The following FAF2 variants were observed in gnomAD, a reference collection of about 807,000 sequenced individuals.
FAF2 encodes Fas associated factor family member 2, also known as FAS-associated factor 2.
A neutral mutation model predicts 62.3 loss-of-function variants in FAF2; 9 were observed. The ratio of observed to expected loss-of-function variants is 0.14; its 90% confidence interval spans 0.09 to 0.25. The LOEUF (loss-of-function observed/expected upper bound fraction) is 0.25. FAF2 is among the 10% of genes least tolerant of loss of function. The probability of loss-of-function intolerance (pLI) is 1.00; values close to 1 mark genes in which losing one functional copy is unlikely to be tolerated. For missense variants in FAF2, 368 were observed against 556.2 expected (o/e 0.66, Z 3.40); for synonymous variants, 202 against 198.0 (o/e 1.02, Z -0.17).
chr5:176,506,247 A>T (rs1312660957), intron 10 of FAF2, among the ~76,000 whole-genome samples: 2 of 151,934 alleles, frequency 1.3e-5, no homozygotes, highest in African/African-American at 4.8e-5. Context: ...TATATAAAAG[A>T]TAATTGGCAA....
intron 1 of FAF2, among the ~76,000 whole-genome samples, chr5:176,478,425 G>C (rs1758737890): frequency 6.6e-6 from 1 of 152,188 alleles, no homozygotes; most frequent in African/African-American, 2.4e-5. Flanking sequence ...ACTGCAGTGA[G>C]CAGTCATTGC....
At chr5:176,502,827 A>G (rs148077436) in intron 10 of FAF2, among the ~76,000 whole-genome samples, 4 of 152,086 alleles carry the variant, frequency 2.6e-5, no homozygotes, top group Middle Eastern at 3.2e-3. Flanking sequence ...AGGCAGGCGG[A>G]TCACAAGGTC....
In FAF2 at chr5:176,499,100, G is replaced by A; in HGVS notation, c.1011+15G>A. The stretch of plus-strand genomic sequence containing the variant: ...GACGGCGGCAGGTAATGGACGTGTG[G>A]CTTTACTCCCTGTGGTTCCCAAACT... On this transcript the variant is annotated intron_variant, in intron 9 of 10. Coordinates refer to ENST00000261942, the MANE Select transcript of FAF2 (RefSeq NM_014613.3). 1 of 1,556,712 alleles carries A rather than the reference G, an allele frequency of 6.4e-7. No homozygotes were observed.
Position 176,494,433 on chromosome 5 carries a change from C to G in FAF2, c.661+158C>G, listed in dbSNP as rs758715802. Among the ~76,000 whole-genome samples, 3 of 152,132 alleles carry G rather than the reference C, an allele frequency of 2.0e-5. No homozygotes were observed. Among genetic ancestry groups the G allele is most frequent in the Non-Finnish European group, 2.9e-5 (2 of 68,042 alleles). On this transcript the variant is annotated intron_variant, in intron 7 of 10. Coordinates refer to ENST00000261942, the MANE Select transcript of FAF2 (RefSeq NM_014613.3). The surrounding 1 kb of genome is among the most constrained non-coding windows in gnomAD (Gnocchi z 4.0). ...GTCTCATTTAATCCTCTCAGCAGTC[C>G]TGAGAGATGGGGGGTCATATTACCT...
At chr5:176,475,705 T>C (rs1581064065) in intron 1 of FAF2, among the ~76,000 whole-genome samples, 1 of 151,864 alleles carries the variant, frequency 6.6e-6, no homozygotes, top group South Asian at 2.1e-4. Flanking sequence ...GAGGCGCAGG[T>C]TGCAGTGAGC....
chr5:176,482,063 G>T (rs966908947), intron 2 of FAF2, among the ~76,000 whole-genome samples: 1 of 152,052 alleles, frequency 6.6e-6, no homozygotes, highest in African/African-American at 2.4e-5. Flanking sequence ...TAGTGATCTA[G>T]GGTGGTTTTG....
At chr5:176,451,120 C>T (rs890007551) in intron 1 of FAF2, among the ~76,000 whole-genome samples, 1 of 152,058 alleles carries the variant, frequency 6.6e-6, no homozygotes, top group African/African-American at 2.4e-5. Flanking sequence ...CTTGTAATCC[C>T]AGCACTTTGG....
At chr5:176,505,025 A>G (rs1445835433) in intron 10 of FAF2, among the ~76,000 whole-genome samples, 170 of 122,420 alleles carry the variant, frequency 1.4e-3, no homozygotes, top group African/African-American at 4.2e-3. Context: ...CTGTCTGGGA[A>G]AAAAAAAAAA....
chr5:176,480,119 A>G (rs1758764452), intron 2 of FAF2, among the ~76,000 whole-genome samples: 1 of 152,210 alleles, frequency 6.6e-6, no homozygotes, highest in Non-Finnish European at 1.5e-5. Flanking sequence ...TTCCCAGCAT[A>G]TAACATGGAA....
intron 10 of FAF2, among the ~76,000 whole-genome samples, chr5:176,505,433 A>G (rs542362081): frequency 1.3e-5 from 2 of 152,318 alleles, no homozygotes; most frequent in South Asian, 4.1e-4. Flanking sequence ...CACAGACAGG[A>G]GATTCATATG....
At chr5:176,457,263 A>T (rs1758292797) in intron 1 of FAF2, among the ~76,000 whole-genome samples, 1 of 152,166 alleles carries the variant, frequency 6.6e-6, no homozygotes, top group Non-Finnish European at 1.5e-5. Context: ...ACCTTGGCTC[A>T]CTACAACCTT....
chr5:176,485,330 A>T (rs7708363), intron 2 of FAF2, among the ~76,000 whole-genome samples: 1 of 152,082 alleles, frequency 6.6e-6, no homozygotes, highest in Non-Finnish European at 1.5e-5. Context: ...CTTCAAGTCA[A>T]CTGATACCAA....
At chr5:176,455,297 T>A (rs1758261729) in intron 1 of FAF2, among the ~76,000 whole-genome samples, 1 of 151,812 alleles carries the variant, frequency 6.6e-6, no homozygotes, top group African/African-American at 2.4e-5. Flanking sequence ...AAAAATTAGC[T>A]GGTCGTAGTG....
At position 176,492,065 on chromosome 5, in the gene FAF2, A is replaced by C. The variant is rs183450554; in HGVS notation, c.345-129A>C. 2.1e-4 allele frequency: 203 copies of C among 981,112 alleles called. No homozygotes were observed. The African/African-American group carries it at 2.6e-3, about 12-fold the overall frequency. The allele number at this position is 981,112 out of a possible 1,614,324, so 60.8% of individuals were successfully genotyped here. On this transcript the variant is annotated intron_variant, in intron 4 of 10. Transcript: ENST00000261942. ...ACTCTACTCTCGGATTTGATGGTCC[A>C]CTCACAGACTGTTCACCTCCCTTTG...
At chr5:176,474,251 T>A (rs1197389400) in intron 1 of FAF2, among the ~76,000 whole-genome samples, 1 of 152,216 alleles carries the variant, frequency 6.6e-6, no homozygotes, top group Non-Finnish European at 1.5e-5. Flanking sequence ...ACCTCTCACT[T>A]CTACAGACAG....
chr5:176,499,925 C>T (rs752882327), intron 9 of FAF2, 78 bp from the exon 10 acceptor site: 46 of 1,533,314 alleles, frequency 3.0e-5, no homozygotes, highest in African/African-American at 2.9e-4. Flanking sequence ...TTTCTTCTGA[C>T]GACTGCGTAA....
chr5:176,481,521 G>T (rs1758783506), intron 2 of FAF2, among the ~76,000 whole-genome samples: 1 of 152,062 alleles, frequency 6.6e-6, no homozygotes, highest in South Asian at 2.1e-4. Context: ...GCCAGGTGTG[G>T]TGGTGGGCGC....
intron 1 of FAF2, among the ~76,000 whole-genome samples, chr5:176,461,656 T>TATC (rs1758381851): frequency 6.6e-6 from 1 of 151,842 alleles, no homozygotes; most frequent in Non-Finnish European, 1.5e-5. Flanking sequence ...ATGGGGTTAT[T>TATC]ATTATTATTA....
chr5:176,489,065 A>G, intron 4 of FAF2, 38 bp downstream of exon 4: 1 of 1,541,550 alleles, frequency 6.5e-7, no homozygotes. Flanking sequence ...TAGAATAGTA[A>G]GACTTTGGAG....
Sources: gnomAD v4.1 joint callset for allele counts (sites outside exome capture counted in the v4.1 genomes callset) on GRCh38, gnomAD v4.1.1 for gene constraint, Gnocchi (gnomAD v3.1) non-coding constraint, MANE v1.5 for transcripts, NCBI Gene and HGNC (gene_info 2026-07-23, HGNC 2026-07-21) for gene names.